Variants in USP54 observed in about 807,000 individuals in gnomAD.
USP54 encodes ubiquitin carboxyl-terminal hydrolase 54.
USP54 carries 87 observed loss-of-function variants against 170.5 expected under a neutral mutation model. The ratio of observed to expected loss-of-function variants is 0.51; its 90% CI spans 0.43 to 0.61. USP54 has a LOEUF of 0.61. Ranked by LOEUF, USP54 falls within the 20% of genes least tolerant of loss-of-function variation. USP54 has a pLI of 0.00. For missense variants in USP54, 1,786 were observed against 2,047.8 expected, an observed-to-expected ratio of 0.87 and a Z score of 2.47; for synonymous variants, 655 against 742.8, an observed-to-expected ratio of 0.88 and a Z score of 1.92.
intron 1 of USP54, among the ~76,000 whole-genome samples, chr10:73,624,973 T>TA (rs917748226): frequency 3.6e-4 from 54 of 151,828 alleles, no homozygotes; most frequent in African/African-American, 7.7e-4. Context: ...CTGCTGCAAT[T>TA]AAAAAAAAAT....
chr10:73,622,778 T>G (rs1261528194), intron 1 of USP54, among the ~76,000 whole-genome samples: 1 of 151,460 alleles, frequency 6.6e-6, no homozygotes, highest in African/African-American at 2.4e-5. Context: ...CATAGGGAGA[T>G]CCTGTCTCTA....
At chr10:73,557,647 A>T (rs760221739) in intron 4 of USP54, among the ~76,000 whole-genome samples, 3 of 151,810 alleles carry the variant, frequency 2.0e-5, no homozygotes, top group Non-Finnish European at 2.9e-5. Flanking sequence ...CACCACACCC[A>T]GCTAATTTTT....
At position 73,534,640 on chromosome 10, in the gene USP54, A is replaced by G; in HGVS notation, c.1275T>C (p.Asn425=). 1.9e-6 allele frequency: 3 copies of G among 1,614,114 alleles called. 1 individual carries two copies. The highest frequency in any genetic ancestry group is 2.2e-5 in the South Asian group (2 of 91,082). The change falls in exon 12 of 24, where the codon AAT becomes AAC. Residue 425 remains asparagine, a synonymous_variant. Transcript: ENST00000687698. ...SSDSQGTVIY[N]VENDSMSQSS... ...TCTGAGACATGGAATCATTTTCCAC[A>G]TTATAGATGACTGTCCCCTGAGAAT... is the stretch of plus-strand genomic sequence containing the variant.
intron 16 of USP54, among the ~76,000 whole-genome samples, chr10:73,524,259 A>G (rs2062452577): frequency 6.6e-6 from 1 of 151,774 alleles, no homozygotes; most frequent in Non-Finnish European, 1.5e-5. Context: ...TAGATTCCGG[A>G]TGGCACTTGG....
chr10:73,561,027 C>A (rs2133706506), intron 4 of USP54, among the ~76,000 whole-genome samples: 1 of 149,442 alleles, frequency 6.7e-6, no homozygotes, highest in South Asian at 2.1e-4. Flanking sequence ...ATCGCTTGAA[C>A]CCGGGAGGCA....
chr10:73,572,176 G>A (rs531381418), intron 3 of USP54, among the ~76,000 whole-genome samples: 1 of 152,214 alleles, frequency 6.6e-6, no homozygotes, highest in East Asian at 1.9e-4. Context: ...TCCAATAGGG[G>A]AAGGGGGATA....
At chr10:73,563,681 C>T (rs930389372) in intron 4 of USP54, among the ~76,000 whole-genome samples, 4 of 152,206 alleles carry the variant, frequency 2.6e-5, no homozygotes, top group Non-Finnish European at 5.9e-5. Context: ...AGGAGATCTG[C>T]CCGCCTCGGC....
At chr10:73,599,828 A>T (rs1176964570) in intron 1 of USP54, among the ~76,000 whole-genome samples, 1 of 152,112 alleles carries the variant, frequency 6.6e-6, no homozygotes, top group Non-Finnish European at 1.5e-5. Context: ...AGGAAACTGA[A>T]GCACAGAGAA....
At chr10:73,524,302 G>A (rs144227168) in intron 16 of USP54, among the ~76,000 whole-genome samples, 55 of 152,036 alleles carry the variant, frequency 3.6e-4, no homozygotes, top group African/African-American at 1.2e-3. Flanking sequence ...ACAACAGGCC[G>A]GGCATGGTGA....
intron 3 of USP54, among the ~76,000 whole-genome samples, chr10:73,574,646 G>A (rs1400302223): frequency 1.3e-5 from 2 of 151,958 alleles, no homozygotes; most frequent in African/African-American, 4.8e-5. Flanking sequence ...GTGTGGTGAT[G>A]CACACCTATA....
intron 3 of USP54, among the ~76,000 whole-genome samples, chr10:73,573,530 G>A (rs1005605764): frequency 3.3e-5 from 5 of 152,168 alleles, no homozygotes; most frequent in East Asian, 1.9e-4. Flanking sequence ...TTGGGAGGCC[G>A]AGGTGGGCAG....
chr10:73,604,417 T>C (rs1564954477), intron 1 of USP54, among the ~76,000 whole-genome samples: 1 of 151,976 alleles, frequency 6.6e-6, no homozygotes, highest in African/African-American at 2.4e-5. Flanking sequence ...GATCCAGCAA[T>C]TCTACTTTTG....
At chr10:73,550,084 C>T (rs911172153) in intron 4 of USP54, among the ~76,000 whole-genome samples, 3 of 152,128 alleles carry the variant, frequency 2.0e-5, no homozygotes, top group African/African-American at 4.8e-5. Context: ...CCACTACACC[C>T]GGCTAAGTTT....
intron 4 of USP54, among the ~76,000 whole-genome samples, chr10:73,556,322 C>A (rs1359668975): frequency 1.3e-5 from 2 of 150,516 alleles, no homozygotes; most frequent in East Asian, 3.9e-4. Flanking sequence ...TAATAATGAA[C>A]AATGGGTAAT....
intron 4 of USP54, among the ~76,000 whole-genome samples, chr10:73,560,038 A>AT (rs1277586454): frequency 6.6e-6 from 1 of 151,588 alleles, no homozygotes; most frequent in African/African-American, 2.4e-5. Flanking sequence ...AAGCGACCCC[A>AT]TTTCAAAAAA....
intron 11 of USP54, among the ~76,000 whole-genome samples, chr10:73,535,485 T>TA (rs1049231741): frequency 7.2e-5 from 11 of 152,124 alleles, no homozygotes; most frequent in African/African-American, 2.7e-4. Context: ...CAAGGGCCAG[T>TA]ACCAGATCCA....
At chr10:73,543,459 C>A (rs1472376950) in intron 5 of USP54, among the ~76,000 whole-genome samples, 1 of 152,036 alleles carries the variant, frequency 6.6e-6, no homozygotes, top group African/African-American at 2.4e-5. Context: ...CTCCACCTCC[C>A]GGGTTCACGC....
upstream of USP54, among the ~76,000 whole-genome samples, chr10:73,594,343 T>G (rs1165432078): frequency 6.6e-6 from 1 of 152,142 alleles, no homozygotes; most frequent in Non-Finnish European, 1.5e-5. Context: ...AGTGCTGGGA[T>G]TACAGGTGTG....
intron 22 of USP54, among the ~76,000 whole-genome samples, chr10:73,503,234 T>C (rs2058489826): frequency 6.6e-6 from 1 of 152,240 alleles, no homozygotes; most frequent in African/African-American, 2.4e-5. Flanking sequence ...TTCTTTTTGC[T>C]TCCTCCAGGA....
Sources: gnomAD v4.1 joint callset for allele counts (sites outside exome capture counted in the v4.1 genomes callset) on GRCh38, gnomAD v4.1.1 for gene constraint, MANE v1.5 for transcripts, NCBI Gene and HGNC (gene_info 2026-07-23, HGNC 2026-07-21) for gene names.